The following TESK2 variants were observed in gnomAD, a reference collection of about 807,000 sequenced individuals.
The protein encoded by TESK2 is testis associated actin remodelling kinase 2.
A neutral mutation model predicts 57.1 loss-of-function variants in TESK2; 39 were observed. That is an observed-to-expected ratio of 0.68 (90% CI 0.53 to 0.89). The LOEUF is 0.89. TESK2 is among the 40% of genes least tolerant of loss of function. The pLI, the probability that TESK2 is intolerant of heterozygous loss-of-function variation, is 0.00. For missense variants in TESK2, 646 were observed against 732.1 expected, an observed-to-expected ratio of 0.88 and a Z score of 1.36; for synonymous variants, 249 against 267.9, an observed-to-expected ratio of 0.93 and a Z score of 0.69.
chr1:45,436,904 C>T (rs1169868396), intron 2 of TESK2, among the ~76,000 whole-genome samples: 1 of 151,596 alleles, frequency 6.6e-6, no homozygotes, highest in Non-Finnish European at 1.5e-5. Flanking sequence ...CTCAAGCGAT[C>T]CTCCCGCCTC....
chr1:45,485,502 T>C (rs1337111872), intron 1 of TESK2, among the ~76,000 whole-genome samples: 1 of 138,012 alleles, frequency 7.2e-6, no homozygotes, highest in Non-Finnish European at 1.5e-5. Context: ...TTCACTGTTA[T>C]ATAAATTTAT....
intron 3 of TESK2, among the ~76,000 whole-genome samples, chr1:45,401,321 TGGGA>T (rs1232255490): frequency 6.6e-6 from 1 of 151,588 alleles, no homozygotes; most frequent in African/African-American, 2.4e-5. Flanking sequence ...TGCTTGAACT[TGGGA>T]GGCGGAGATT....
chr1:45,489,564 C>T (rs551464704), intron 1 of TESK2, among the ~76,000 whole-genome samples: 2 of 152,144 alleles, frequency 1.3e-5, no homozygotes, highest in Non-Finnish European at 2.9e-5. Context: ...CCGAGGTGGG[C>T]GGATTGACTG....
intron 3 of TESK2, among the ~76,000 whole-genome samples, chr1:45,387,442 A>G (rs1648949393): frequency 6.6e-6 from 1 of 152,132 alleles, no homozygotes; most frequent in Admixed American, 6.6e-5. Flanking sequence ...AAAGCCATTA[A>G]CAATACCCAA....
Position 45,458,543 on chromosome 1 carries a change from C to A in TESK2, c.-86-672G>T, listed in dbSNP as rs890972132. ...TCGTGCCACTGCACTCCAGCCTGGG[C>A]AACAGAGTGAGACACTGTCTCAAAA... On this transcript the variant is annotated intron_variant, in intron 1 of 10. Transcript: ENST00000372086. 2.8e-5 allele frequency among the ~76,000 whole-genome samples: 4 copies of A among 144,962 alleles called. No individual in the cohort carries two copies. In the Admixed American group the frequency reaches 2.8e-4, roughly 10 times the overall value.
At chr1:45,478,461 A>C (rs1023585317) in intron 1 of TESK2, among the ~76,000 whole-genome samples, 2 of 152,240 alleles carry the variant, frequency 1.3e-5, no homozygotes, top group Non-Finnish European at 1.5e-5. Context: ...AAACTATGGC[A>C]ATACAAAGTA....
At chr1:45,372,100 T>G (rs1178290430) in intron 4 of TESK2, among the ~76,000 whole-genome samples, 1 of 151,244 alleles carries the variant, frequency 6.6e-6, no homozygotes, top group Non-Finnish European at 1.5e-5. Context: ...AATAAAAAAT[T>G]AGCCAGATGT....
chr1:45,401,880 C>T (rs189055084), intron 3 of TESK2, among the ~76,000 whole-genome samples: 6 of 152,206 alleles, frequency 3.9e-5, no homozygotes, highest in Admixed American at 3.9e-4. Context: ...CAACGTTGAG[C>T]AGTAAGCAGC....
intron 2 of TESK2, among the ~76,000 whole-genome samples, chr1:45,426,661 A>G (rs932612409): frequency 3.3e-5 from 5 of 152,180 alleles, no homozygotes; most frequent in African/African-American, 1.2e-4. Context: ...GAGTCAATCC[A>G]TGGAATGGGA....
chr1:45,452,417 C>CA (rs1337744593), intron 2 of TESK2, among the ~76,000 whole-genome samples: 5 of 151,472 alleles, frequency 3.3e-5, no homozygotes, highest in African/African-American at 4.9e-5. Flanking sequence ...TAAAGAACTA[C>CA]AAAAAAAATC....
At chr1:45,387,310 A>G (rs1407253727) in intron 3 of TESK2, among the ~76,000 whole-genome samples, 2 of 152,152 alleles carry the variant, frequency 1.3e-5, no homozygotes, top group Non-Finnish European at 2.9e-5. Context: ...CATTTAAGTG[A>G]TATTTGAAGT....
chr1:45,363,679 A>C (rs144755365), intron 4 of TESK2, among the ~76,000 whole-genome samples: 1 of 152,224 alleles, frequency 6.6e-6, no homozygotes, highest in Admixed American at 6.5e-5. Flanking sequence ...CAGTCTATGC[A>C]AAAGGAACAC....
At chr1:45,433,594 G>A (rs761288101) in intron 2 of TESK2, among the ~76,000 whole-genome samples, 6 of 152,042 alleles carry the variant, frequency 3.9e-5, no homozygotes, top group Admixed American at 6.5e-5. Flanking sequence ...TTCCATCTGC[G>A]TTGCTGAAAA....
At chr1:45,348,062 T>C in intron 5 of TESK2, 62 bp from the exon 6 acceptor site, 1 of 1,099,680 alleles carries the variant, frequency 9.1e-7, no homozygotes, top group Non-Finnish European at 1.4e-6. Context: ...AGCCATAGAG[T>C]TACCACCCAT....
intron 3 of TESK2, among the ~76,000 whole-genome samples, chr1:45,394,451 G>T (rs1649274458): frequency 1.3e-5 from 2 of 151,166 alleles, no homozygotes; most frequent in Admixed American, 1.3e-4. Flanking sequence ...CTAGGCCAAG[G>T]ATTGCTTTTG....
chr1:45,433,480 TTACCTC>T (rs1481503823), intron 2 of TESK2, among the ~76,000 whole-genome samples: 2 of 152,166 alleles, frequency 1.3e-5, no homozygotes, highest in Non-Finnish European at 2.9e-5. Flanking sequence ...ATTCTACTCT[TTACCTC>T]TATGAGATCA....
At chr1:45,457,472 G>T in intron 2 of TESK2, 92 bp downstream of exon 2, 1 of 1,199,128 alleles carries the variant, frequency 8.3e-7, no homozygotes, top group Admixed American at 1.8e-5. Context: ...CCTTTATTAG[G>T]CAAATCCTAC....
At chr1:45,382,633 G>A (rs1354928555) in intron 4 of TESK2, among the ~76,000 whole-genome samples, 1 of 152,194 alleles carries the variant, frequency 6.6e-6, no homozygotes, top group African/African-American at 2.4e-5. Context: ...CACTTTGGGA[G>A]GCCAAGGCAG....
intron 1 of TESK2, among the ~76,000 whole-genome samples, chr1:45,483,479 A>T (rs1338061274): frequency 1.3e-5 from 2 of 150,372 alleles, no homozygotes; most frequent in Non-Finnish European, 3.0e-5. Context: ...ACACCTGTAA[A>T]CCCAGCTACT....
Sources: allele counts gnomAD v4.1 joint callset (sites outside exome capture counted in the v4.1 genomes callset), GRCh38; gene constraint gnomAD v4.1.1; transcripts MANE v1.5; gene names NCBI Gene and HGNC (gene_info 2026-07-23, HGNC 2026-07-21).